The following PTPRD variants were observed in gnomAD, a reference collection of about 807,000 sequenced individuals.
PTPRD encodes the protein protein tyrosine phosphatase receptor type D.
In PTPRD, 34 loss-of-function variants were observed where a neutral mutation model predicts 214.5. The ratio of observed to expected loss-of-function variants is 0.16; its 90% CI spans 0.12 to 0.21. The LOEUF (loss-of-function observed/expected upper bound fraction) is 0.21, where lower values mean the gene tolerates loss of function less well. PTPRD is among the 10% of genes least tolerant of loss of function. The pLI, the probability that PTPRD is intolerant of heterozygous loss-of-function variation, is 1.00. For missense variants in PTPRD, 2,545 were observed against 2,398.7 expected, an observed-to-expected ratio of 1.06 and a Z score of -1.27; for synonymous variants, 1,128 against 845.7, an observed-to-expected ratio of 1.33 and a Z score of -5.79.
At chr9:10,163,167 T>C (rs2099139523) in intron 3 of PTPRD, among the ~76,000 whole-genome samples, 1 of 151,354 alleles carries the variant, frequency 6.6e-6, no homozygotes, top group African/African-American at 2.4e-5. Context: ...ATTTTGATTA[T>C]CCTAATTAAA....
chr9:9,523,371 G>A (rs987097907), intron 8 of PTPRD, among the ~76,000 whole-genome samples: 5 of 152,028 alleles, frequency 3.3e-5, no homozygotes. Context: ...TATATTGGAG[G>A]GGAGATATTG....
intron 32 of PTPRD, among the ~76,000 whole-genome samples, chr9:8,464,166 G>A (rs554995500): frequency 4.3e-4 from 66 of 151,954 alleles, no homozygotes; most frequent in African/African-American, 1.5e-3. Context: ...CTGCAGGATC[G>A]AATGAGATTT....
At chr9:8,500,722 G>C (rs2136941250) in intron 24 of PTPRD, 32 bp downstream of exon 24, 3 of 1,605,152 alleles carry the variant, frequency 1.9e-6, no homozygotes, top group Non-Finnish European at 2.6e-6. Context: ...TGTGTCAGAA[G>C]GGTGCAAACT....
At chr9:9,687,601 T>G (rs1381264363) in intron 7 of PTPRD, among the ~76,000 whole-genome samples, 1 of 151,600 alleles carries the variant, frequency 6.6e-6, no homozygotes, top group Non-Finnish European at 1.5e-5. Context: ...ATTGTGCACA[T>G]GTACCCTAAA....
At chr9:8,660,701 C>G (rs1339349133) in intron 12 of PTPRD, among the ~76,000 whole-genome samples, 1 of 152,108 alleles carries the variant, frequency 6.6e-6, no homozygotes, top group Non-Finnish European at 1.5e-5. Context: ...TGCATTTGGT[C>G]CTGCTAAGCC....
intron 9 of PTPRD, among the ~76,000 whole-genome samples, chr9:9,277,300 A>G (rs1946030151): frequency 6.6e-6 from 1 of 151,376 alleles, no homozygotes; most frequent in Admixed American, 6.6e-5. Flanking sequence ...GCCAATCTGT[A>G]AGAATTTAAC....
intron 12 of PTPRD, among the ~76,000 whole-genome samples, chr9:8,672,109 G>A (rs1028247148): frequency 6.6e-6 from 1 of 151,938 alleles, no homozygotes; most frequent in Non-Finnish European, 1.5e-5. Flanking sequence ...CATCTTTTTG[G>A]TTGTTTACTG....
chr9:8,598,088 G>C (rs16928162), intron 14 of PTPRD, among the ~76,000 whole-genome samples: 4,463 of 152,192 alleles, frequency 0.029, 211 homozygotes, highest in East Asian at 0.12. Flanking sequence ...AGAAAAGCCT[G>C]AGAGAACATC....
rs570971785 is a variant in PTPRD, at chr9:9,804,317, G to A, written c.-367-37466C>T. The stretch of plus-strand genomic sequence containing the variant: ...ACTGAATTTCCCATCCCTAAAGCCC[G>A]CTTGGAAATGGCTGGAAATATGGAT... On this transcript the variant is annotated intron_variant, in intron 5 of 45. Transcript: ENST00000381196. Among the ~76,000 whole-genome samples the A allele has an allele frequency of 3.8e-4, 58 of 152,008 alleles. 1 individual carries two copies. Among genetic ancestry groups the A allele is most frequent in the African/African-American group, 8.9e-4 (37 of 41,480 alleles).
intron 12 of PTPRD, among the ~76,000 whole-genome samples, chr9:8,642,602 G>A (rs2096601476): frequency 6.6e-6 from 1 of 152,136 alleles, no homozygotes; most frequent in Non-Finnish European, 1.5e-5. Flanking sequence ...CTGAAGGAGA[G>A]CTCAGGAACA....
At chr9:8,512,518 T>G (rs1384756227) in intron 21 of PTPRD, among the ~76,000 whole-genome samples, 1 of 152,024 alleles carries the variant, frequency 6.6e-6, no homozygotes, top group African/African-American at 2.4e-5. Flanking sequence ...ATGAAATGAT[T>G]TATAAACTTC....
intron 14 of PTPRD, among the ~76,000 whole-genome samples, chr9:8,552,135 T>C (rs2082294641): frequency 6.6e-6 from 1 of 152,112 alleles, no homozygotes; most frequent in Admixed American, 6.5e-5. Flanking sequence ...GGCACCTCCT[T>C]GCACGGTTTC....
chr9:10,361,983 G>C (rs1250860705), intron 2 of PTPRD, among the ~76,000 whole-genome samples: 3 of 152,132 alleles, frequency 2.0e-5, no homozygotes, highest in Non-Finnish European at 2.9e-5. Context: ...AATGTATCAT[G>C]GTTAAGATGT....
chr9:9,309,093 C>A (rs866387966), intron 9 of PTPRD, among the ~76,000 whole-genome samples: 3 of 151,946 alleles, frequency 2.0e-5, no homozygotes, highest in Admixed American at 6.6e-5. Context: ...AAATAAAAAA[C>A]CAAGAATTTA....
At chr9:9,110,602 G>A (rs918651586) in intron 10 of PTPRD, among the ~76,000 whole-genome samples, 10 of 152,062 alleles carry the variant, frequency 6.6e-5, no homozygotes, top group African/African-American at 2.4e-4. Context: ...TCAGAAACTT[G>A]AATTTCTACT....
At chr9:10,243,419 TA>T (rs1245402263) in intron 3 of PTPRD, among the ~76,000 whole-genome samples, 5 of 152,026 alleles carry the variant, frequency 3.3e-5, no homozygotes, top group Non-Finnish European at 7.4e-5. Flanking sequence ...GGTTTAATCA[TA>T]AGATCATTTT....
intron 31 of PTPRD, among the ~76,000 whole-genome samples, chr9:8,465,939 T>G (rs2096536234): frequency 6.6e-6 from 1 of 151,898 alleles, no homozygotes; most frequent in Admixed American, 6.6e-5. Flanking sequence ...TTGCTGTAGC[T>G]CATTTCATTT....
At chr9:9,428,805 T>C (rs987826427) in intron 8 of PTPRD, among the ~76,000 whole-genome samples, 1 of 152,166 alleles carries the variant, frequency 6.6e-6, no homozygotes, top group African/African-American at 2.4e-5. Flanking sequence ...GAATGACTAC[T>C]GGGTACATAA....
intron 2 of PTPRD, among the ~76,000 whole-genome samples, chr9:10,472,618 T>C (rs2099038377): frequency 1.3e-5 from 2 of 152,134 alleles, no homozygotes; most frequent in South Asian, 4.1e-4. Flanking sequence ...ATAACTCTGC[T>C]ATGTGTAATA....
Sources: allele counts gnomAD v4.1 joint callset (sites outside exome capture counted in the v4.1 genomes callset), GRCh38; gene constraint gnomAD v4.1.1; transcripts MANE v1.5; gene names NCBI Gene and HGNC (gene_info 2026-07-23, HGNC 2026-07-21).